The following TLN1 variants were observed in gnomAD, a reference collection of about 807,000 sequenced individuals.
TLN1 encodes talin-1.
A neutral mutation model predicts 292.3 loss-of-function variants in TLN1; 56 were observed. The ratio of observed to expected loss-of-function variants is 0.19; its 90% CI spans 0.15 to 0.24. TLN1 has a LOEUF of 0.24. Among genes scored for constraint, TLN1 ranks in the 10% least tolerant of loss-of-function variants. The pLI is 1.00. For synonymous variants in TLN1, 1,119 were observed against 1,253.7 expected, an observed-to-expected ratio of 0.89 and a Z score of 2.27; for missense variants, 2,433 against 3,248.2, an observed-to-expected ratio of 0.75 and a Z score of 6.10.
In TLN1 at chr9:35,722,939, G is replaced by C. The variant is rs762713051; in HGVS notation, c.783-18C>G. 1.2e-6 allele frequency: 2 copies of C among 1,613,386 alleles called. No individual in the cohort carries two copies. The highest frequency in any genetic ancestry group is 1.7e-6 in the Non-Finnish European group (2 of 1,179,626). ...CCTTCAGGCTACACCAGAAAAGGGAGGGTCAGCATGTGGTAGACAGCATCA... is the reference window on the plus strand; with the variant it reads ...CCTTCAGGCTACACCAGAAAAGGGACGGTCAGCATGTGGTAGACAGCATCA... On this transcript the variant is annotated intron_variant, in intron 7 of 56. Transcript: ENST00000314888.
rs1825400455 is a variant in TLN1, at chr9:35,698,199, T to C, written c.7372-27A>G. ...TGGGCAGAGAGAAAGTGGCCTAGGT[T>C]GAGAACTCAGGTACGGTCCCAGTTG... On this transcript the variant is annotated intron_variant, in intron 55 of 56. Coordinates refer to ENST00000314888, the MANE Select transcript of TLN1 (RefSeq NM_006289.4). The surrounding 1 kb of genome is among the most constrained non-coding windows in gnomAD (Gnocchi z 5.3). 6 of 1,613,598 alleles carry C rather than the reference T, an allele frequency of 3.7e-6. No homozygotes were observed. The highest frequency in any genetic ancestry group is 5.1e-6 in the Non-Finnish European group (6 of 1,179,768).
chr9:35,726,887 T>TGGAG (rs1825987015), intron 1 of TLN1, among the ~76,000 whole-genome samples: 1 of 152,214 alleles, frequency 6.6e-6, no homozygotes, highest in Non-Finnish European at 1.5e-5. Context: ...AGTCCTTGCT[T>TGGAG]GTTCCAAGTC....
chr9:35,711,272 C>T lies in TLN1; in HGVS notation c.4002G>A (p.Gln1334=). Residue 1334 remains glutamine, a synonymous_variant, in exon 30 of 57, where the codon CAG becomes CAA. Coordinates refer to ENST00000314888, the MANE Select transcript of TLN1 (RefSeq NM_006289.4). ...CTACTTACCTGGCAGCTGCAGCCAG[C>T]TGACTCTTGAGGTTAGGGGCAGCAG... is the stretch of plus-strand genomic sequence containing the variant. The part of the protein sequence containing the change: ...TDPAAPNLKS[Q]LAAAARAVTD... 3 of 1,614,164 alleles carry T rather than the reference C, an allele frequency of 1.9e-6. No homozygotes were observed. Among genetic ancestry groups the T allele is most frequent in the Non-Finnish European group, 2.5e-6 (3 of 1,180,040 alleles).
intron 17 of TLN1, among the ~76,000 whole-genome samples, chr9:35,718,411 A>C (rs1825822658): frequency 6.6e-6 from 1 of 152,236 alleles, no homozygotes; most frequent in Non-Finnish European, 1.5e-5. Context: ...ACATATCTGC[A>C]TGGGAAATCC....
At position 35,717,130 on chromosome 9, in the gene TLN1, G is replaced by A. The variant is rs780520865; in HGVS notation, c.2458+16C>T. On this transcript the variant is annotated intron_variant, in intron 19 of 56. Coordinates refer to ENST00000314888, the MANE Select transcript of TLN1 (RefSeq NM_006289.4). The surrounding 1 kb of genome is among the most constrained non-coding windows in gnomAD (Gnocchi z 4.7). ...CCTGGTAGGGTTTTTTGTTTTCCTG[G>A]GGGTGCGTGTCTTACCAGCATCACC... The A allele has an allele frequency of 1.9e-6, 3 of 1,574,974 alleles. No individual in the cohort carries two copies. The highest frequency in any genetic ancestry group is 4.5e-5 in the East Asian group (2 of 44,200).
chr9:35,698,683 T>C lies in TLN1; in HGVS notation c.7126-4A>G. 1.2e-6 allele frequency: 2 copies of C among 1,614,110 alleles called. No homozygotes were observed. The highest frequency in any genetic ancestry group is 1.1e-5 in the South Asian group (1 of 91,080). On this transcript the variant is annotated splice_polypyrimidine_tract_variant and splice_region_variant and intron_variant, in intron 53 of 56. Transcript: ENST00000314888. The surrounding 1 kb of genome is among the most constrained non-coding windows in gnomAD (Gnocchi z 5.3). ...CATTGGCTGGAATGGCACCCACCTG[T>C]AGGAAGGAGAAGAGCCTACTTAGAC... is the stretch of plus-strand genomic sequence containing the variant.
At position 35,706,489 on chromosome 9, in the gene TLN1, G is replaced by C. The variant is rs1825567499; in HGVS notation, c.5151C>G (p.Ala1717=). 4 of 1,614,000 alleles carry C rather than the reference G, an allele frequency of 2.5e-6. No individual in the cohort carries two copies. Among genetic ancestry groups the C allele is most frequent in the Non-Finnish European group, 3.4e-6 (4 of 1,180,020 alleles). Residue 1717 remains alanine (A), a synonymous_variant, in exon 39 of 57, where the codon GCC becomes GCG. Coordinates refer to ENST00000314888, the MANE Select transcript of TLN1 (RefSeq NM_006289.4). This position sits in a 1 kb window ranked among gnomAD's most constrained non-coding sequence, Gnocchi z 4.2. ...QEISHLIEPL[A]NAARAEASQL... is the part of the protein sequence containing the mutation. Reference sequence around the variant, plus strand: ...GGGAGGCTTCAGCCCGGGCAGCATTGGCCAGCGGCTCAATGAGATGGGAGA... The same window carrying C: ...GGGAGGCTTCAGCCCGGGCAGCATTCGCCAGCGGCTCAATGAGATGGGAGA...
chr9:35,710,526 G>A, intron 33 of TLN1, 35 bp downstream of exon 33: 1 of 1,597,940 alleles, frequency 6.3e-7, no homozygotes, highest in Non-Finnish European at 8.5e-7. Context: ...AAAGAAAGTA[G>A]GGGCCATTCA....
intron 48 of TLN1, 72 bp from the exon 49 acceptor site, chr9:35,700,448 A>C (rs2131880310): frequency 2.0e-6 from 3 of 1,472,946 alleles, no homozygotes; most frequent in Non-Finnish European, 2.8e-6. Flanking sequence ...CTCTGTGTGC[A>C]TGTGATTTGG....
intron 27 of TLN1, among the ~76,000 whole-genome samples, 166 bp downstream of exon 27, chr9:35,712,668 AG>A (rs895244334): frequency 3.3e-5 from 5 of 150,414 alleles, no homozygotes; most frequent in African/African-American, 9.7e-5. Context: ...AAAAAAAAAA[AG>A]ACTAAGAGAA....
chr9:35,718,850 G>T lies in TLN1; in HGVS notation c.1957C>A (p.Gln653Lys). 2 of 1,613,790 alleles carry T rather than the reference G, an allele frequency of 1.2e-6. No homozygotes were observed. The highest frequency in any genetic ancestry group is 2.2e-5 in the East Asian group (1 of 44,870). Reference sequence around the variant, plus strand: ...TCAGTATCACTTTCCCCAATTTGTTGCAACAGCTCCCCACTGGCCTGGCCC... The same window carrying T: ...TCAGTATCACTTTCCCCAATTTGTTTCAACAGCTCCCCACTGGCCTGGCCC... ...NVGQASGELL[Q>K]QIGESDTDPH... is the part of the protein sequence containing the mutation. Residue 653 changes from glutamine to lysine, a missense_variant, in exon 17 of 57, where the codon CAA (glutamine) becomes AAA (lysine). This residue lies in a region of TLN1 where 617 missense variants were observed against 770.6 expected (regional missense o/e 0.80). Transcript: ENST00000314888.
At chr9:35,726,443 C>A (rs141088996) in intron 1 of TLN1, among the ~76,000 whole-genome samples, 1 of 152,206 alleles carries the variant, frequency 6.6e-6, no homozygotes, top group Non-Finnish European at 1.5e-5. Context: ...TCTTTGTCTC[C>A]TGCTGTGTCC....
Position 35,724,454 on chromosome 9 carries a change from C to CT in TLN1, c.511+117dup. Reference sequence around the variant, plus strand: ...AAATGTAAGTCCCATGAGTGTAGGACTTTGTTTTCTCACTGATGTATCCCC... The same window carrying CT: ...AAATGTAAGTCCCATGAGTGTAGGACTTTTGTTTTCTCACTGATGTATCCCC... On this transcript the variant is annotated intron_variant, in intron 5 of 56. Coordinates refer to ENST00000314888, the MANE Select transcript of TLN1 (RefSeq NM_006289.4). The surrounding 1 kb of genome is among the most constrained non-coding windows in gnomAD (Gnocchi z 4.7). The CT allele has an allele frequency of 6.4e-7, 1 of 1,560,516 alleles. No individual in the cohort carries two copies. Among genetic ancestry groups the CT allele is most frequent in the Non-Finnish European group, 8.7e-7 (1 of 1,146,754 alleles).
At chr9:35,716,774 A>G (rs1248349428) in intron 19 of TLN1, among the ~76,000 whole-genome samples, 1 of 152,066 alleles carries the variant, frequency 6.6e-6, no homozygotes, top group Non-Finnish European at 1.5e-5. Flanking sequence ...CTTACGGGAG[A>G]AGGACAGTCT....
At position 35,704,285 on chromosome 9, in the gene TLN1, C is replaced by G; in HGVS notation, c.6047+47G>C. 1 of 1,595,704 alleles carries G rather than the reference C, an allele frequency of 6.3e-7. No individual in the cohort carries two copies. The highest frequency in any genetic ancestry group is 2.2e-5 in the East Asian group (1 of 44,774). On this transcript the variant is annotated intron_variant, in intron 45 of 56. Coordinates refer to ENST00000314888, the MANE Select transcript of TLN1 (RefSeq NM_006289.4). This position sits in a 1 kb window ranked among gnomAD's most constrained non-coding sequence, Gnocchi z 6.9. ...GAATGCTATCCTGCCTCTTCCAGCCCCGTGCCCCGACCTGTCTGCCTCCCT... is the reference window on the plus strand; with the variant it reads ...GAATGCTATCCTGCCTCTTCCAGCCGCGTGCCCCGACCTGTCTGCCTCCCT...
chr9:35,717,896 T>C lies in TLN1; in HGVS notation c.1996-110A>G. 1 of 1,360,168 alleles carries C rather than the reference T, an allele frequency of 7.4e-7. No individual in the cohort carries two copies. The highest frequency in any genetic ancestry group is 2.2e-5 in the Admixed American group (1 of 44,920). 84.3% of individuals were successfully genotyped at this position (1,360,168 alleles called of 1,614,324 possible). ...TCCCACTGATCCAATCAAAGGAGAG[T>C]GTACGCAGAAGCAACCAGAACCTAC... is the stretch of plus-strand genomic sequence containing the variant. On this transcript the variant is annotated intron_variant, in intron 17 of 56. Transcript: ENST00000314888. The surrounding 1 kb of genome is among the most constrained non-coding windows in gnomAD (Gnocchi z 4.7).
chr9:35,712,953 T>C lies in TLN1; in HGVS notation c.3443A>G (p.Gln1148Arg). The C allele has an allele frequency of 1.2e-6, 2 of 1,610,606 alleles. No individual in the cohort carries two copies. The highest frequency in any genetic ancestry group is 2.2e-5 in the East Asian group (1 of 44,764). ...ACTGGCCGTATCAAGTACAATGGCC[T>C]GCACTGCAGGATCTGACGTCAGTGC... ...VAALTSDPAV[Q>R]AIVLDTASDV... Residue 1148 changes from glutamine (Q) to arginine (R), a missense_variant, in exon 27 of 57, where the codon CAG becomes CGG. Around this residue, in one of 7 missense-constraint regions of TLN1, gnomAD observed 1,384 missense variants for 1,699.6 expected, o/e 0.81. Coordinates refer to ENST00000314888, the MANE Select transcript of TLN1 (RefSeq NM_006289.4).
rs761961290 is a variant in TLN1, at chr9:35,703,885, C to T, written c.6247G>A (p.Ala2083Thr). 1.7e-5 allele frequency: 28 copies of T among 1,614,070 alleles called. No individual in the cohort carries two copies. The highest frequency in any genetic ancestry group is 2.2e-5 in the East Asian group (1 of 44,904). ...AGGGCTTTGGCTACATCTTTCACTG[C>T]GTTGATTAGTACCACCTGTGTGGGA... Reference protein sequence around the residue: ...DPETQVVLINAVKDVAKALGD... With the variant: ...DPETQVVLINTVKDVAKALGD... The change falls in exon 47 of 57, where the codon GCA becomes ACA. Residue 2083 changes from alanine (A) to threonine (T), a missense_variant. Transcript: ENST00000314888.
Position 35,699,028 on chromosome 9 carries a change from T to C in TLN1, c.6999+4A>G, listed in dbSNP as rs1386352828. The C allele has an allele frequency of 1.2e-6, 2 of 1,612,054 alleles. No individual in the cohort carries two copies. The highest frequency in any genetic ancestry group is 1.7e-5 in the Admixed American group (1 of 59,872). On this transcript the variant is annotated splice_donor_region_variant and intron_variant, in intron 52 of 56. Transcript: ENST00000314888. This position sits in a 1 kb window ranked among gnomAD's most constrained non-coding sequence, Gnocchi z 4.0. Reference sequence around the variant, plus strand: ...GGGTGGAAGAGGAAGGGAGCAGGACTGACCTTGGGTTTGGCCCGGGGCTTC... The same window carrying C: ...GGGTGGAAGAGGAAGGGAGCAGGACCGACCTTGGGTTTGGCCCGGGGCTTC...
Sources: gnomAD v4.1 joint callset for allele counts (sites outside exome capture counted in the v4.1 genomes callset) on GRCh38, gnomAD v4.1.1 for gene constraint, gnomAD v4.1.1 regional missense constraint, Gnocchi (gnomAD v3.1) non-coding constraint, MANE v1.5 for transcripts, NCBI Gene and HGNC (gene_info 2026-07-23, HGNC 2026-07-21) for gene names.